The following KCNQ2 variants were observed in gnomAD, a reference collection of about 807,000 sequenced individuals.
KCNQ2 encodes the protein potassium voltage-gated channel subfamily KQT member 2.
KCNQ2 carries 14 observed loss-of-function variants against 84.8 expected under a neutral mutation model. That is an observed-to-expected ratio of 0.17 (90% CI 0.11 to 0.26). The LOEUF is 0.26. Ranked by LOEUF, KCNQ2 falls within the 10% of genes least tolerant of loss-of-function variation. The pLI is 1.00. For missense variants in KCNQ2, 788 were observed against 1,254.0 expected (o/e 0.63, Z 5.61); for synonymous variants, 599 against 554.1 (o/e 1.08, Z -1.14).
intron 1 of KCNQ2, among the ~76,000 whole-genome samples, chr20:63,462,429 T>C (rs922602595): frequency 6.7e-6 from 1 of 149,450 alleles, no homozygotes; most frequent in African/African-American, 2.5e-5. Context: ...AGGGAGGAGG[T>C]GGCACCTACC....
At position 63,401,969 on chromosome 20, in the gene KCNQ2, C is replaced by G. The variant is rs2079818606; in HGVS notation, c.*4675G>C. On this transcript the variant is annotated 3_prime_UTR_variant, in exon 17 of 17. Transcript: ENST00000359125. ...TGCTGGGCACCCTCCACGGCAGGTC[C>G]AAGCCTCATGAGCCATCTCTCTCCC... 5.5e-6 allele frequency: 1 copy of G among 180,872 alleles called. No homozygotes were observed. The highest frequency in any genetic ancestry group is 1.2e-5 in the Non-Finnish European group (1 of 85,452). The allele number at this position is 180,872 out of a possible 1,614,324, so 11.2% of individuals were successfully genotyped here.
chr20:63,464,879 G>A (rs559143444), intron 1 of KCNQ2, among the ~76,000 whole-genome samples: 3 of 152,278 alleles, frequency 2.0e-5, no homozygotes, highest in South Asian at 2.1e-4. Context: ...TCTCCCCCAC[G>A]CACCCCCAGT....
intron 1 of KCNQ2, among the ~76,000 whole-genome samples, chr20:63,464,330 GGCC>G (rs934038844): frequency 2.6e-5 from 4 of 151,924 alleles, no homozygotes; most frequent in African/African-American, 7.3e-5. Context: ...GGGGTGGAGG[GGCC>G]GCCAAGTGCC....
At chr20:63,464,092 A>C (rs1310040082) in intron 1 of KCNQ2, among the ~76,000 whole-genome samples, 3 of 152,178 alleles carry the variant, frequency 2.0e-5, no homozygotes, top group Non-Finnish European at 4.4e-5. Context: ...CTGGGTAGGC[A>C]GCAGAGCCTA....
chr20:63,402,714 C>A lies in KCNQ2; in HGVS notation c.*3930G>T, dbSNP rs889413124. The A allele has an allele frequency of 6.6e-6, 1 of 152,272 alleles. No homozygotes were observed. The highest frequency in any genetic ancestry group is 1.9e-4 in the East Asian group (1 of 5,196). 9.4% of individuals were successfully genotyped at this position (152,272 alleles called of 1,614,324 possible). A position where few individuals can be genotyped will look rare whatever the true frequency, so the allele number is the denominator to read the frequency against. Reference sequence around the variant, plus strand: ...ATCAGACCCACAGCTCAAAGGGTGCCCCCTGGAGAAGCCCTCACAGTGCCT... The same window carrying A: ...ATCAGACCCACAGCTCAAAGGGTGCACCCTGGAGAAGCCCTCACAGTGCCT... On this transcript the variant is annotated 3_prime_UTR_variant, in exon 17 of 17. Transcript: ENST00000359125.
chr20:63,424,825 G>T (rs1244304169), intron 10 of KCNQ2, among the ~76,000 whole-genome samples: 2 of 152,254 alleles, frequency 1.3e-5, no homozygotes, highest in Non-Finnish European at 2.9e-5. Flanking sequence ...TTGAGTGAGA[G>T]ATCGGCGGAT....
At chr20:63,426,458 C>T (rs1057013684) in intron 10 of KCNQ2, among the ~76,000 whole-genome samples, 1 of 151,822 alleles carries the variant, frequency 6.6e-6, no homozygotes. Context: ...ACCTCCCAAA[C>T]CTTCAAGTTC....
chr20:63,402,788 A>C lies in KCNQ2; in HGVS notation c.*3856T>G, dbSNP rs1200264029. The C allele has an allele frequency of 6.6e-6, 1 of 152,284 alleles. No homozygotes were observed. The highest frequency in any genetic ancestry group is 6.5e-5 in the Admixed American group (1 of 15,274). 9.4% of individuals were successfully genotyped at this position (152,284 alleles called of 1,614,324 possible). A position where few individuals can be genotyped will look rare whatever the true frequency, so the allele number is the denominator to read the frequency against. The stretch of plus-strand genomic sequence containing the variant: ...GGGGCTTGAGACGAGGCCCCCCAAA[A>C]GGTAGGGGCATCGCTGAGGGGCAGC... On this transcript the variant is annotated 3_prime_UTR_variant, in exon 17 of 17. Coordinates refer to ENST00000359125, the MANE Select transcript of KCNQ2 (RefSeq NM_172107.4).
chr20:63,410,649 G>C (rs779436895), intron 15 of KCNQ2, among the ~76,000 whole-genome samples: 1 of 152,204 alleles, frequency 6.6e-6, no homozygotes, highest in Non-Finnish European at 1.5e-5. Context: ...GGCCCTGCCT[G>C]CTCCCAGAAA....
At chr20:63,463,282 A>C (rs2082002379) in intron 1 of KCNQ2, among the ~76,000 whole-genome samples, 1 of 152,104 alleles carries the variant, frequency 6.6e-6, no homozygotes, top group South Asian at 2.1e-4. Context: ...AAATAATAGA[A>C]TACGGACATC....
intron 3 of KCNQ2, 105 bp downstream of exon 3, chr20:63,445,133 C>T (rs2081373958): frequency 7.3e-6 from 11 of 1,500,798 alleles, no homozygotes; most frequent in Middle Eastern, 1.7e-4. Flanking sequence ...GCCAGTCCTG[C>T]CCAGCCTCTC....
chr20:63,435,992 T>C (rs2080988085), intron 7 of KCNQ2, among the ~76,000 whole-genome samples: 2 of 151,808 alleles, frequency 1.3e-5, no homozygotes, highest in Non-Finnish European at 2.9e-5. Context: ...TTTCTTTTTT[T>C]TTTTTTTTGG....
chr20:63,431,979 C>T (rs2080806307), intron 8 of KCNQ2, among the ~76,000 whole-genome samples: 1 of 147,888 alleles, frequency 6.8e-6, no homozygotes, highest in Non-Finnish European at 1.5e-5. Context: ...AGGCCCCACC[C>T]GCAGGGAAGG....
chr20:63,469,946 G>A (rs2082171653), intron 1 of KCNQ2, among the ~76,000 whole-genome samples: 1 of 152,240 alleles, frequency 6.6e-6, no homozygotes. Flanking sequence ...CAGCAGTGCT[G>A]AGCCACATCC....
rs997073545 is a variant in KCNQ2 at position 63,429,282 on chromosome 20, C to G, written c.1149-847G>C. ...TCTGGGGCCTCCCCCACCCGGCTCCCTGACCCACCTGAACCCCCTCCACTC... is the reference window on the plus strand; with the variant it reads ...TCTGGGGCCTCCCCCACCCGGCTCCGTGACCCACCTGAACCCCCTCCACTC... On this transcript the variant is annotated intron_variant, in intron 9 of 16. Coordinates refer to ENST00000359125, the MANE Select transcript of KCNQ2 (RefSeq NM_172107.4). Among the ~76,000 whole-genome samples the G allele has an allele frequency of 5.4e-4, 82 of 151,962 alleles. 1 individual carries two copies. Among genetic ancestry groups the G allele is most frequent in the Admixed American group, 4.8e-3 (74 of 15,278 alleles).
At chr20:63,422,862 G>T (rs1354126814) in intron 11 of KCNQ2, among the ~76,000 whole-genome samples, 1 of 152,180 alleles carries the variant, frequency 6.6e-6, no homozygotes, top group Non-Finnish European at 1.5e-5. Context: ...GTCGCTCCCA[G>T]CAAGGGCGTG....
rs554863606 is a variant in KCNQ2, at chr20:63,407,160, G to A, written c.2103C>T (p.Phe701=). Reference sequence around the variant, plus strand: ...CAGGGGGCGCGGCCGGGGGCGCCGAGAAGTTCTTCTGGCCCGTGGAGCTGC... The same window carrying A: ...CAGGGGGCGCGGCCGGGGGCGCCGAAAAGTTCTTCTGGCCCGTGGAGCTGC... ...RSSSSTGQKN[F]SAPPAAPPVQ... Residue 701 remains phenylalanine (F), a synonymous_variant, in exon 17 of 17, where the codon TTC becomes TTT. Transcript: ENST00000359125. The surrounding 1 kb of genome is among the most constrained non-coding windows in gnomAD (Gnocchi z 7.2). 3.8e-6 allele frequency: 6 copies of A among 1,598,584 alleles called. No individual in the cohort carries two copies. The African/African-American group carries it at 6.7e-5, about 18-fold the overall frequency.
chr20:63,434,235 T>G, intron 7 of KCNQ2: 5 of 356,736 alleles, frequency 1.4e-5, no homozygotes, highest in East Asian at 5.0e-5. Context: ...GGGTATCACC[T>G]GTCCTGGGGG....
At chr20:63,417,029 G>A (rs7267851) in intron 12 of KCNQ2, among the ~76,000 whole-genome samples, 5 of 152,170 alleles carry the variant, frequency 3.3e-5, no homozygotes, top group Non-Finnish European at 4.4e-5. Context: ...CCGAGGCGTC[G>A]CGTGCTTGGG....
Sources: allele counts gnomAD v4.1 joint callset (sites outside exome capture counted in the v4.1 genomes callset), GRCh38; gene constraint gnomAD v4.1.1; non-coding constraint Gnocchi (gnomAD v3.1); transcripts MANE v1.5; gene names NCBI Gene and HGNC (gene_info 2026-07-23, HGNC 2026-07-21).